CYP20A1: variants seen among roughly 807,000 people sequenced by gnomAD.
CYP20A1 encodes the protein cytochrome P450 20A1.
A neutral mutation model predicts 61.4 loss-of-function variants in CYP20A1; 61 were observed. That is an observed-to-expected ratio of 0.99 (90% CI 0.81 to 1.23). The LOEUF is 1.23. CYP20A1 is among the 50% of genes most tolerant of loss of function. The pLI is 0.00. For synonymous variants in CYP20A1, 193 were observed against 188.2 expected, an observed-to-expected ratio of 1.03 and a Z score of -0.21; for missense variants, 530 against 542.4, an observed-to-expected ratio of 0.98 and a Z score of 0.23.
intron 4 of CYP20A1, among the ~76,000 whole-genome samples, chr2:203,253,605 C>CA (rs1294698705): frequency 1.3e-5 from 2 of 152,140 alleles, no homozygotes; most frequent in East Asian, 3.8e-4. Flanking sequence ...AGAAGCAAAA[C>CA]AAAAGCAGTT....
In CYP20A1 at chr2:203,266,797, A is replaced by G. The variant is rs1202531549; in HGVS notation, c.600+116A>G. 1.8e-5 allele frequency: 15 copies of G among 836,082 alleles called. 1 individual carries two copies. The highest frequency in any genetic ancestry group is 1.5e-4 in the Admixed American group (7 of 46,008). The allele number at this position is 836,082 out of a possible 1,614,324, so 51.8% of individuals were successfully genotyped here. The stretch of plus-strand genomic sequence containing the variant: ...GGAGTTAAAGACCAGCCTGCCCCAC[A>G]TGGTAAAAACGTGTCTCTACTAAAA... On this transcript the variant is annotated intron_variant, in intron 5 of 12. Transcript: ENST00000356079.
Position 203,305,990 on chromosome 2 carries a change from A to G in CYP20A1, c.*9082A>G, listed in dbSNP as rs2069200816. ...TTAGATGTGAACATAGATTTATAAT[A>G]TAGTACTATACAAAATACAACTAAA... On this transcript the variant is annotated 3_prime_UTR_variant, in exon 13 of 13. Coordinates refer to ENST00000356079, the MANE Select transcript of CYP20A1 (RefSeq NM_177538.3). Among the ~76,000 whole-genome samples, 1 of 152,218 alleles carries G rather than the reference A, an allele frequency of 6.6e-6. No individual in the cohort carries two copies. Among genetic ancestry groups the G allele is most frequent in the Admixed American group, 6.6e-5 (1 of 15,264 alleles).
intron 5 of CYP20A1, 88 bp from the exon 6 acceptor site, chr2:203,272,582 G>A: frequency 1.1e-5 from 4 of 380,106 alleles, no homozygotes; most frequent in South Asian, 3.3e-5. Flanking sequence ...GAGTTAAAGA[G>A]TTCCTAAGTC....
intron 4 of CYP20A1, among the ~76,000 whole-genome samples, chr2:203,264,422 CT>C (rs2067249626): frequency 6.6e-6 from 1 of 152,028 alleles, no homozygotes; most frequent in South Asian, 2.1e-4. Context: ...TATTTCTTGC[CT>C]TAAAGTTTAT....
intron 5 of CYP20A1, among the ~76,000 whole-genome samples, chr2:203,269,908 C>T (rs2067494156): frequency 1.3e-5 from 2 of 152,166 alleles, no homozygotes; most frequent in Non-Finnish European, 2.9e-5. Flanking sequence ...GGATTACAGG[C>T]GTGAGCCACC....
At chr2:203,249,077 A>G (rs1455540047) in intron 3 of CYP20A1, among the ~76,000 whole-genome samples, 1 of 152,204 alleles carries the variant, frequency 6.6e-6, no homozygotes, top group East Asian at 1.9e-4. Context: ...AAGGTAATAC[A>G]AGAAAACATG....
intron 4 of CYP20A1, among the ~76,000 whole-genome samples, chr2:203,254,538 G>C (rs991605775): frequency 2.0e-5 from 3 of 147,764 alleles, no homozygotes; most frequent in Non-Finnish European, 4.5e-5. Context: ...GACAGAGCTA[G>C]ACTCGTCTCA....
chr2:203,279,772 A>G (rs917968130), intron 7 of CYP20A1, among the ~76,000 whole-genome samples: 2 of 152,174 alleles, frequency 1.3e-5, no homozygotes, highest in Non-Finnish European at 2.9e-5. Context: ...AAATACCCTG[A>G]TTTGATCATT....
At chr2:203,264,954 C>T (rs1174827830) in intron 4 of CYP20A1, among the ~76,000 whole-genome samples, 2 of 152,134 alleles carry the variant, frequency 1.3e-5, no homozygotes, top group Non-Finnish European at 2.9e-5. Context: ...TGGTCTTGAT[C>T]TCCTGACCTT....
intron 11 of CYP20A1, among the ~76,000 whole-genome samples, chr2:203,295,605 C>T (rs1352056269): frequency 6.6e-6 from 1 of 152,084 alleles, no homozygotes; most frequent in Admixed American, 6.5e-5. Flanking sequence ...GTGTAACAAT[C>T]TTATACCTTG....
At position 203,301,475 on chromosome 2, in the gene CYP20A1, C is replaced by T. The variant is rs1243452897; in HGVS notation, c.*4567C>T. Among the ~76,000 whole-genome samples the T allele has an allele frequency of 6.6e-6, 1 of 151,908 alleles. No individual in the cohort carries two copies. Among genetic ancestry groups the T allele is most frequent in the African/African-American group, 2.4e-5 (1 of 41,370 alleles). ...TTTTTGAGACAGGGTCTCCCTGCGTCGCCCAGTCTTGTCTCAAACTCCTAG... is the reference window on the plus strand; with the variant it reads ...TTTTTGAGACAGGGTCTCCCTGCGTTGCCCAGTCTTGTCTCAAACTCCTAG... On this transcript the variant is annotated 3_prime_UTR_variant, in exon 13 of 13. Transcript: ENST00000356079.
At chr2:203,258,626 A>G (rs537190873) in intron 4 of CYP20A1, among the ~76,000 whole-genome samples, 2 of 152,246 alleles carry the variant, frequency 1.3e-5, no homozygotes, top group African/African-American at 4.8e-5. Flanking sequence ...TCCAGCTTTC[A>G]TCTGTAACTG....
chr2:203,304,431 T>C lies in CYP20A1; in HGVS notation c.*7523T>C, dbSNP rs1203756927. 6.6e-6 allele frequency among the ~76,000 whole-genome samples: 1 copy of C among 152,098 alleles called. No homozygotes were observed. The highest frequency in any genetic ancestry group is 2.4e-5 in the African/African-American group (1 of 41,440). ...CCAGGATGGTCTTGATCTCCTGACC[T>C]TGTGATCTGTCCACCGCGGCTTCCC... On this transcript the variant is annotated 3_prime_UTR_variant, in exon 13 of 13. Transcript: ENST00000356079.
In CYP20A1 at chr2:203,248,362, T is replaced by C. The variant is rs113867826; in HGVS notation, c.289+1441T>C. Among the ~76,000 whole-genome samples, 76 of 152,212 alleles carry C rather than the reference T, an allele frequency of 5.0e-4. 1 individual carries two copies. The highest frequency in any genetic ancestry group is 3.4e-3 in the Middle Eastern group (1 of 294). ...CAGCCTGGCCAACATGGTAAAACCC[T>C]GTCGCTACTAAAAATACAAAAATTA... On this transcript the variant is annotated intron_variant, in intron 3 of 12. Transcript: ENST00000356079.
intron 11 of CYP20A1, among the ~76,000 whole-genome samples, chr2:203,293,875 G>A (rs2068655003): frequency 6.6e-6 from 1 of 152,018 alleles, no homozygotes; most frequent in African/African-American, 2.4e-5. Flanking sequence ...TGGGTTATTT[G>A]TTTTGTTTTT....
At position 203,304,714 on chromosome 2, in the gene CYP20A1, T is replaced by C. The variant is rs535749770; in HGVS notation, c.*7806T>C. Among the ~76,000 whole-genome samples the C allele has an allele frequency of 3.2e-4, 48 of 152,290 alleles. No individual in the cohort carries two copies. The highest frequency in any genetic ancestry group is 7.7e-4 in the African/African-American group (32 of 41,572). The stretch of plus-strand genomic sequence containing the variant: ...ACTTGGAGAGGCCAAGTCAGGCTTA[T>C]TGGGTGAGTCCAGGTGTTTGAGACT... On this transcript the variant is annotated 3_prime_UTR_variant, in exon 13 of 13. Transcript: ENST00000356079.
In CYP20A1 at chr2:203,303,357, T is replaced by C. The variant is rs2069096314; in HGVS notation, c.*6449T>C. Among the ~76,000 whole-genome samples, 1 of 152,116 alleles carries C rather than the reference T, an allele frequency of 6.6e-6. No individual in the cohort carries two copies. The highest frequency in any genetic ancestry group is 2.1e-4 in the South Asian group (1 of 4,828). Reference sequence around the variant, plus strand: ...GTTTTCACCATGTTGGCCAGTAGTGTATTTAGTTATTTAAGGAGGGCTCAA... The same window carrying C: ...GTTTTCACCATGTTGGCCAGTAGTGCATTTAGTTATTTAAGGAGGGCTCAA... On this transcript the variant is annotated 3_prime_UTR_variant, in exon 13 of 13. Coordinates refer to ENST00000356079, the MANE Select transcript of CYP20A1 (RefSeq NM_177538.3).
Position 203,300,448 on chromosome 2 carries a change from T to C in CYP20A1, c.*3540T>C, listed in dbSNP as rs11888559. 0.82 allele frequency among the ~76,000 whole-genome samples: 124,544 copies of C among 152,142 alleles called. 53,647 individuals carry two copies. The highest frequency in any genetic ancestry group is 0.95 in the Non-Finnish European group (64,631 of 68,032). On this transcript the variant is annotated 3_prime_UTR_variant, in exon 13 of 13. Coordinates refer to ENST00000356079, the MANE Select transcript of CYP20A1 (RefSeq NM_177538.3). ...CTGTCACTGATGGCTTATAGAATGATTCTAGCAGGACTCAAGTTATTGAAC... is the reference window on the plus strand; with the variant it reads ...CTGTCACTGATGGCTTATAGAATGACTCTAGCAGGACTCAAGTTATTGAAC...
chr2:203,260,888 C>T (rs777436419), intron 4 of CYP20A1, among the ~76,000 whole-genome samples: 2 of 152,070 alleles, frequency 1.3e-5, no homozygotes, highest in Non-Finnish European at 2.9e-5. Flanking sequence ...GTTTGTTTTC[C>T]TGCTTTATTG....
Sources: allele counts gnomAD v4.1 joint callset (sites outside exome capture counted in the v4.1 genomes callset), GRCh38; gene constraint gnomAD v4.1.1; transcripts MANE v1.5; gene names NCBI Gene and HGNC (gene_info 2026-07-23, HGNC 2026-07-21).